Variants in KIR2DL3 observed in about 807,000 individuals in gnomAD.
KIR2DL3 encodes the protein killer cell immunoglobulin-like receptor 2DL3.
A neutral mutation model predicts 33.8 loss-of-function variants in KIR2DL3; 39 were observed. The ratio of observed to expected loss-of-function variants is 1.15; its 90% CI spans 0.89 to 1.51. The LOEUF is 1.51. Among genes scored for constraint, KIR2DL3 ranks in the 40% most tolerant of loss-of-function variants. The probability of loss-of-function intolerance (pLI) is 0.00; values close to 1 mark genes in which losing one functional copy is unlikely to be tolerated. For missense variants in KIR2DL3, 462 were observed against 426.2 expected (o/e 1.08, Z -0.74); for synonymous variants, 174 against 160.2 (o/e 1.09, Z -0.65).
chr19:54,744,874 A>AAATATATG (rs2072018965), intron 4 of KIR2DL3, among the ~76,000 whole-genome samples: 1 of 64,384 alleles, frequency 1.6e-5, no homozygotes, highest in Non-Finnish European at 3.2e-5. Flanking sequence ...ATACATTTAT[A>AAATATATG]TATATATATA....
chr19:54,744,897 T>TATATATATAC (rs1555906428), intron 4 of KIR2DL3, among the ~76,000 whole-genome samples: 10 of 57,472 alleles, frequency 1.7e-4, no homozygotes, highest in Non-Finnish European at 3.2e-4. Flanking sequence ...TATATATATA[T>TATATATATAC]ACACACACAC....
At chr19:54,744,490 A>G (rs768481786) in intron 4 of KIR2DL3, among the ~76,000 whole-genome samples, 144 of 151,978 alleles carry the variant, frequency 9.5e-4, no homozygotes, top group Non-Finnish European at 1.7e-3. Flanking sequence ...AGAAATATTT[A>G]TTGAGGATAA....
In KIR2DL3 at chr19:54,742,286, G is replaced by C; in HGVS notation, c.370+7G>C. On this transcript the variant is annotated splice_region_variant and intron_variant, in intron 3 of 7. Coordinates refer to ENST00000342376, the MANE Select transcript of KIR2DL3 (RefSeq NM_015868.3). ...CTGGACATCGTCATCACAGGTGAGA[G>C]TGTCCGGACATTCTCATTGTCATTG... The C allele has an allele frequency of 6.2e-7, 1 of 1,612,056 alleles. No homozygotes were observed.
intron 3 of KIR2DL3, among the ~76,000 whole-genome samples, 173 bp downstream of exon 3, chr19:54,742,452 A>G (rs2071351815): frequency 6.6e-6 from 1 of 151,628 alleles, no homozygotes; most frequent in Non-Finnish European, 1.5e-5. Context: ...AGTACAGACC[A>G]GGTGTCATAA....
At chr19:54,744,892 A>ATG (rs1555906336) in intron 4 of KIR2DL3, among the ~76,000 whole-genome samples, 2 of 71,350 alleles carry the variant, frequency 2.8e-5, no homozygotes, top group African/African-American at 9.5e-5. Context: ...ATATATATAT[A>ATG]TATATACACA....
intron 1 of KIR2DL3, 124 bp from the exon 2 acceptor site, chr19:54,739,383 C>T: frequency 6.5e-7 from 1 of 1,539,266 alleles, no homozygotes; most frequent in Non-Finnish European, 9.0e-7. Context: ...CAGGTAGGCA[C>T]TGAGGGTGAG....
intron 5 of KIR2DL3, among the ~76,000 whole-genome samples, chr19:54,750,329 G>A (rs57347633): frequency 0.015 from 2,098 of 140,918 alleles, 213 homozygotes; most frequent in African/African-American, 0.053. Context: ...CTAATTCACA[G>A]GAGGACAGGT....
chr19:54,744,921 C>CATATATATATATATATAT (rs1177112432), intron 4 of KIR2DL3, among the ~76,000 whole-genome samples: 2 of 25,274 alleles, frequency 7.9e-5, no homozygotes, highest in African/African-American at 1.3e-4. Context: ...CATATATAAA[C>CATATATATATATATATAT]ATATATATAT....
At position 54,744,954 on chromosome 19, in the gene KIR2DL3, A is replaced by ATT. The variant is rs71195797; in HGVS notation, c.664+888_664+889dup. Among the ~76,000 whole-genome samples the ATT allele has an allele frequency of 4.8e-3, 149 of 31,200 alleles. 1 individual carries two copies. The highest frequency in any genetic ancestry group is 6.6e-3 in the Non-Finnish European group (111 of 16,700). The allele number at this position is 31,200 out of a possible 152,430, so 20.5% of individuals were successfully genotyped here. A position where few individuals can be genotyped will look rare whatever the true frequency, so the allele number is the denominator to read the frequency against. ...TATATATATATATATATATATATAT[A>ATT]TTTTTTTTTTTTTTTTTTTTTTTAC... On this transcript the variant is annotated intron_variant, in intron 4 of 7. Coordinates refer to ENST00000342376, the MANE Select transcript of KIR2DL3 (RefSeq NM_015868.3).
chr19:54,748,614 A>G (rs1329462974), intron 5 of KIR2DL3, among the ~76,000 whole-genome samples: 1 of 147,904 alleles, frequency 6.8e-6, no homozygotes, highest in Non-Finnish European at 1.5e-5. Flanking sequence ...CATGAAATCT[A>G]TTTTTTGTTT....
At chr19:54,743,599 G>A (rs2071611634) in intron 3 of KIR2DL3, among the ~76,000 whole-genome samples, 196 bp from the exon 4 acceptor site, 1 of 152,094 alleles carries the variant, frequency 6.6e-6, no homozygotes, top group Admixed American at 6.6e-5. Context: ...CTAGAGGTGG[G>A]GAAGCGAGGT....
rs1184222749 is a variant in KIR2DL3 at position 54,744,440 on chromosome 19, G to A, written c.664+352G>A. On this transcript the variant is annotated intron_variant, in intron 4 of 7. Coordinates refer to ENST00000342376, the MANE Select transcript of KIR2DL3 (RefSeq NM_015868.3). ...CCTGGCCTCTCACCCACACAGGGATGTCATCACCAGCAACCCCTACACCCT... is the reference window on the plus strand; with the variant it reads ...CCTGGCCTCTCACCCACACAGGGATATCATCACCAGCAACCCCTACACCCT... 2.6e-5 allele frequency among the ~76,000 whole-genome samples: 4 copies of A among 152,140 alleles called. No individual in the cohort carries two copies. The East Asian group carries it at 5.8e-4, about 22-fold the overall frequency.
intron 4 of KIR2DL3, 66 bp downstream of exon 4, chr19:54,744,154 T>A: frequency 6.3e-7 from 1 of 1,598,690 alleles, no homozygotes; most frequent in Non-Finnish European, 8.5e-7. Context: ...AGCTTCCTGC[T>A]GATGATGGAG....
chr19:54,744,253 C>T (rs2071817195), intron 4 of KIR2DL3, among the ~76,000 whole-genome samples, 165 bp downstream of exon 4: 2 of 152,288 alleles, frequency 1.3e-5, no homozygotes, highest in African/African-American at 4.8e-5. Flanking sequence ...ACCTCCAAAC[C>T]CTCCTACACG....
intron 2 of KIR2DL3, among the ~76,000 whole-genome samples, chr19:54,740,515 T>A (rs1412180583): frequency 6.6e-6 from 1 of 151,542 alleles, no homozygotes; most frequent in Non-Finnish European, 1.5e-5. Context: ...CAGTGGGTGG[T>A]CAGCACCCAG....
intron 1 of KIR2DL3, among the ~76,000 whole-genome samples, chr19:54,739,268 G>T (rs1309343146): frequency 2.6e-5 from 4 of 151,682 alleles, no homozygotes; most frequent in Non-Finnish European, 2.9e-5. Context: ...TGGCGATATG[G>T]GCCTAGGGTG....
Position 54,747,416 on chromosome 19 carries a change from T to C in KIR2DL3, c.715+31T>C, listed in dbSNP as rs1441120584. On this transcript the variant is annotated intron_variant, in intron 5 of 7. Coordinates refer to ENST00000342376, the MANE Select transcript of KIR2DL3 (RefSeq NM_015868.3). ...TACAGAACCCTCTTATATCCGCTTT[T>C]GGAAACCTGGGGAGGTAGAAACCTT... 3.7e-6 allele frequency: 6 copies of C among 1,606,328 alleles called. No individual in the cohort carries two copies. In the African/African-American group the frequency reaches 5.4e-5, roughly 14 times the overall value.
chr19:54,738,885 CCTGGAGTGGAGATAT>C (rs2070343368), intron 1 of KIR2DL3, among the ~76,000 whole-genome samples: 1 of 139,546 alleles, frequency 7.2e-6, no homozygotes, highest in Admixed American at 7.2e-5. Flanking sequence ...GAGATATGGG[CCTGGAGTGGAGATAT>C]GGGCCTGGAG....
intron 6 of KIR2DL3, 137 bp from the exon 7 acceptor site, chr19:54,752,079 T>C: frequency 2.0e-6 from 2 of 991,160 alleles, no homozygotes; most frequent in Non-Finnish European, 3.0e-6. Context: ...CTCAGAGAGA[T>C]AGAATGTCTG....
Sources: allele counts gnomAD v4.1 joint callset (sites outside exome capture counted in the v4.1 genomes callset), GRCh38; gene constraint gnomAD v4.1.1; transcripts MANE v1.5; gene names NCBI Gene and HGNC (gene_info 2026-07-23, HGNC 2026-07-21).